The following NOX4 variants were observed in gnomAD, a reference collection of about 807,000 sequenced individuals.
The protein encoded by NOX4 is kidney oxidase-1.
A neutral mutation model predicts 87.6 loss-of-function variants in NOX4; 69 were observed. The ratio of observed to expected loss-of-function variants is 0.79; its 90% CI spans 0.65 to 0.96. The LOEUF is 0.96. NOX4 is among the 40% of genes least tolerant of loss of function. The probability of loss-of-function intolerance (pLI) is 0.00; values close to 1 mark genes in which losing one functional copy is unlikely to be tolerated. For synonymous variants in NOX4, 275 were observed against 238.2 expected (o/e 1.15, Z -1.42); for missense variants, 680 against 681.5 (o/e 1.00, Z 0.02).
the NOX4 span, among the ~76,000 whole-genome samples, chr11:89,536,284 C>T: frequency 6.6e-6 from 1 of 151,646 alleles, no homozygotes; most frequent in Non-Finnish European, 1.5e-5. Context: ...GTAGCTGGGA[C>T]TATAGGCGCC....
At chr11:89,524,864 T>C in the NOX4 span, among the ~76,000 whole-genome samples, 3 of 152,058 alleles carry the variant, frequency 2.0e-5, no homozygotes, top group African/African-American at 7.2e-5. Context: ...AATTAATTGT[T>C]CCCACCCTGG....
the NOX4 span, among the ~76,000 whole-genome samples, chr11:89,519,995 T>C: frequency 6.6e-6 from 1 of 152,048 alleles, no homozygotes; most frequent in Non-Finnish European, 1.5e-5. Flanking sequence ...CTACCATTTC[T>C]ATGTTCATTA....
At chr11:89,466,942 G>A (rs1945720653) in intron 2 of NOX4, among the ~76,000 whole-genome samples, 1 of 152,144 alleles carries the variant, frequency 6.6e-6, no homozygotes, top group Non-Finnish European at 1.5e-5. Context: ...TGGTGTATAT[G>A]TAATAAATAA....
At chr11:89,476,641 T>C (rs1946180092) in intron 2 of NOX4, among the ~76,000 whole-genome samples, 1 of 152,136 alleles carries the variant, frequency 6.6e-6, no homozygotes, top group African/African-American at 2.4e-5. Context: ...CAAAATACCA[T>C]ATAATAATTA....
intron 12 of NOX4, among the ~76,000 whole-genome samples, chr11:89,372,874 GT>G (rs1451348903): frequency 8.6e-5 from 13 of 151,914 alleles, no homozygotes; most frequent in Middle Eastern, 3.2e-3. Flanking sequence ...AGAGAATAAT[GT>G]TTCTTTTATT....
At chr11:89,343,275 T>C (rs926258184) in intron 13 of NOX4, among the ~76,000 whole-genome samples, 8 of 152,184 alleles carry the variant, frequency 5.3e-5, no homozygotes, top group Non-Finnish European at 1.0e-4. Flanking sequence ...CTAAGAATTG[T>C]AGAGGGCCAC....
intron 2 of NOX4, among the ~76,000 whole-genome samples, chr11:89,454,165 G>C (rs900682381): frequency 1.6e-4 from 24 of 152,162 alleles, no homozygotes; most frequent in African/African-American, 5.8e-4. Flanking sequence ...TGTGTGACAT[G>C]TTACCTTGAA....
At chr11:89,430,461 T>C (rs543798248) in intron 7 of NOX4, among the ~76,000 whole-genome samples, 4 of 152,286 alleles carry the variant, frequency 2.6e-5, no homozygotes, top group Non-Finnish European at 5.9e-5. Flanking sequence ...AACCCTATCA[T>C]CTCAGCCCAA....
At position 89,490,446 on chromosome 11, in the gene NOX4, C is replaced by T. The variant is rs2135497693; in HGVS notation, c.153+12G>A. On this transcript the variant is annotated intron_variant, in intron 2 of 17. Transcript: ENST00000263317. Reference sequence around the variant, plus strand: ...CCCATTCCACCAGATTATCCAAGTTCACCTTACTTACCCCCAACATCTGGT... The same window carrying T: ...CCCATTCCACCAGATTATCCAAGTTTACCTTACTTACCCCCAACATCTGGT... 1 of 1,572,156 alleles carries T rather than the reference C, an allele frequency of 6.4e-7. No individual in the cohort carries two copies. The highest frequency in any genetic ancestry group is 1.1e-5 in the South Asian group (1 of 90,208).
the NOX4 span, among the ~76,000 whole-genome samples, chr11:89,560,996 C>CTCTCTCTATATA: frequency 1.5e-4 from 6 of 40,804 alleles, no homozygotes; most frequent in African/African-American, 5.2e-4. Context: ...CTCTCTCTCT[C>CTCTCTCTATATA]TATATATATA....
At chr11:89,513,953 C>A in the NOX4 span, among the ~76,000 whole-genome samples, 2 of 152,012 alleles carry the variant, frequency 1.3e-5, no homozygotes, top group African/African-American at 4.8e-5. Context: ...TATGACCCAA[C>A]AAGAAAGCCT....
chr11:89,544,919 T>A, the NOX4 span, among the ~76,000 whole-genome samples: 1 of 152,260 alleles, frequency 6.6e-6, no homozygotes, highest in Non-Finnish European at 1.5e-5. Flanking sequence ...TTACTGAATG[T>A]ACCAAACAAC....
the NOX4 span, among the ~76,000 whole-genome samples, chr11:89,587,389 G>A: frequency 6.6e-6 from 1 of 152,098 alleles, no homozygotes; most frequent in Non-Finnish European, 1.5e-5. Flanking sequence ...GATAGTCCAG[G>A]GATGGAGATT....
At chr11:89,521,168 T>A in the NOX4 span, among the ~76,000 whole-genome samples, 1 of 152,090 alleles carries the variant, frequency 6.6e-6, no homozygotes, top group Non-Finnish European at 1.5e-5. Context: ...TTTCACAGAA[T>A]TAGAAAAATC....
At chr11:89,484,750 T>TCA (rs1946523263) in intron 2 of NOX4, among the ~76,000 whole-genome samples, 1 of 152,104 alleles carries the variant, frequency 6.6e-6, no homozygotes, top group Admixed American at 6.6e-5. Flanking sequence ...ATCAAAGAAA[T>TCA]ATAACCCATT....
At chr11:89,367,437 A>G (rs1169577634) in intron 12 of NOX4, among the ~76,000 whole-genome samples, 1 of 152,132 alleles carries the variant, frequency 6.6e-6, no homozygotes, top group Admixed American at 6.6e-5. Context: ...TGCCCTCAGT[A>G]ATTCGCAGCA....
chr11:89,474,928 C>A, intron 2 of NOX4, among the ~76,000 whole-genome samples: 1 of 151,538 alleles, frequency 6.6e-6, no homozygotes, highest in South Asian at 2.1e-4. Context: ...CATATGAAAA[C>A]AGAGGGGGTA....
intron 11 of NOX4, among the ~76,000 whole-genome samples, chr11:89,390,378 G>T (rs1286112851): frequency 6.6e-6 from 1 of 152,160 alleles, no homozygotes; most frequent in African/African-American, 2.4e-5. Context: ...AAGCCTACAT[G>T]ATAAACAGAT....
At chr11:89,541,052 G>A in the NOX4 span, among the ~76,000 whole-genome samples, 2 of 151,992 alleles carry the variant, frequency 1.3e-5, no homozygotes, top group African/African-American at 2.4e-5. Flanking sequence ...TCTTTACCCC[G>A]AGGCAGTGTT....
Sources: gnomAD v4.1 joint callset for allele counts (sites outside exome capture counted in the v4.1 genomes callset) on GRCh38, gnomAD v4.1.1 for gene constraint, MANE v1.5 for transcripts, NCBI Gene and HGNC (gene_info 2026-07-23, HGNC 2026-07-21) for gene names.